Variants in GGT1 observed in about 807,000 individuals in gnomAD.
GGT1 encodes the protein gamma-glutamyltransferase 1.
GGT1 carries 21 observed loss-of-function variants against 56.0 expected under a neutral mutation model. The observed-to-expected ratio is 0.38, with a 90% CI of 0.27 to 0.54. The LOEUF (loss-of-function observed/expected upper bound fraction) is 0.54. Among genes scored for constraint, GGT1 ranks in the 20% least tolerant of loss-of-function variants. The pLI is 0.82. For synonymous variants in GGT1, 238 were observed against 342.6 expected (o/e 0.69, Z 3.37); for missense variants, 466 against 787.0 (o/e 0.59, Z 4.88).
chr22:24,606,567 T>C (rs187362627), intron 1 of GGT1, among the ~76,000 whole-genome samples: 13 of 152,314 alleles, frequency 8.5e-5, no homozygotes, highest in African/African-American at 3.1e-4. Flanking sequence ...TCATGGGACC[T>C]TGGTTCCTGC....
upstream of GGT1, chr22:24,593,059 C>A: frequency 9.6e-7 from 1 of 1,038,962 alleles, no homozygotes; most frequent in East Asian, 8.5e-5. Context: ...GCGATGGTCG[C>A]CGAACCCACA....
chr22:24,623,334 C>T, intron 10 of GGT1, 78 bp downstream of exon 10: 1 of 1,404,212 alleles, frequency 7.1e-7, no homozygotes, highest in East Asian at 2.5e-5. Context: ...CCTCCTGCAT[C>T]TCTGCTCGCC....
upstream of GGT1, chr22:24,593,181 G>T: frequency 2.3e-6 from 2 of 877,456 alleles, no homozygotes; most frequent in Non-Finnish European, 2.7e-6. Flanking sequence ...GCCCCACCCC[G>T]CGCCGGAGCG....
rs370945251 is a variant in GGT1 at position 24,628,025 on chromosome 22, C to T, written c.1336+46C>T. The T allele has an allele frequency of 2.9e-5, 46 of 1,603,192 alleles. No homozygotes were observed. Among genetic ancestry groups the T allele is most frequent in the Middle Eastern group, 2.3e-4 (1 of 4,436 alleles). On this transcript the variant is annotated intron_variant, in intron 13 of 15. Transcript: ENST00000400382. The surrounding 1 kb of genome is among the most constrained non-coding windows in gnomAD (Gnocchi z 5.7). ...GGTGGGGGACTGGGGTGGAGAGGGG[C>T]GGGTGTCCTGGGCAGGCAGCTGACG...
chr22:24,592,816 G>GACCCCCAT, upstream of GGT1: 1 of 1,268,578 alleles, frequency 7.9e-7, no homozygotes, highest in East Asian at 3.4e-5. Flanking sequence ...CAGACCCCCA[G>GACCCCCAT]ACCCTCCCTG....
intron 1 of GGT1, among the ~76,000 whole-genome samples, chr22:24,606,470 C>T (rs1372518386): frequency 6.6e-6 from 1 of 152,182 alleles, no homozygotes; most frequent in African/African-American, 2.4e-5. Flanking sequence ...CTTTAGACCC[C>T]TCCTGGCTGA....
At chr22:24,612,096 T>A (rs9680722) in intron 5 of GGT1, among the ~76,000 whole-genome samples, 7 of 152,010 alleles carry the variant, frequency 4.6e-5, no homozygotes, top group African/African-American at 1.7e-4. Context: ...GAGCCACTGC[T>A]CCTGGCCTAA....
chr22:24,622,601 A>G (rs1335418182), intron 9 of GGT1, among the ~76,000 whole-genome samples: 1 of 152,080 alleles, frequency 6.6e-6, no homozygotes, highest in Non-Finnish European at 1.5e-5. Context: ...CAACAAAAAA[A>G]TTAAAATTTG....
intron 7 of GGT1, among the ~76,000 whole-genome samples, chr22:24,619,488 G>A (rs2047276833): frequency 2.0e-5 from 3 of 151,766 alleles, no homozygotes; most frequent in African/African-American, 7.3e-5. Flanking sequence ...AGGATCGCTT[G>A]AGCCTGGGAA....
intron 5 of GGT1, among the ~76,000 whole-genome samples, 182 bp downstream of exon 5, chr22:24,611,427 G>A (rs2046648082): frequency 6.6e-6 from 1 of 151,960 alleles, no homozygotes. Flanking sequence ...GCCAAACAGG[G>A]CCCCTTTTCT....
chr22:24,611,756 CA>C (rs1213465596), intron 5 of GGT1, among the ~76,000 whole-genome samples: 1 of 150,564 alleles, frequency 6.6e-6, no homozygotes, highest in Non-Finnish European at 1.5e-5. Context: ...AGGCGTGCGC[CA>C]CCACGCCCAA....
intron 9 of GGT1, among the ~76,000 whole-genome samples, chr22:24,621,624 G>A (rs1170233516): frequency 6.6e-6 from 1 of 151,952 alleles, no homozygotes; most frequent in Non-Finnish European, 1.5e-5. Context: ...CACTGAGGCT[G>A]GAAATTGGCA....
chr22:24,583,836 G>A, the GGT1 span: 3 of 469,684 alleles, frequency 6.4e-6, no homozygotes, highest in Non-Finnish European at 1.3e-5. Context: ...ACAATTGAGA[G>A]TTTGTGGGCT....
In GGT1 at chr22:24,628,221, C is replaced by T. The variant is rs529806048; in HGVS notation, c.1449+28C>T. ...ATGTGTCACACCTTTTCTCCCTGGC[C>T]GTGCCCACCCTGCACAGCCCCCAAG... On this transcript the variant is annotated intron_variant, in intron 14 of 15. Transcript: ENST00000400382. This position sits in a 1 kb window ranked among gnomAD's most constrained non-coding sequence, Gnocchi z 5.7. 1.1e-5 allele frequency: 17 copies of T among 1,612,028 alleles called. 1 individual carries two copies. The highest frequency in any genetic ancestry group is 3.3e-5 in the South Asian group (3 of 90,996).
chr22:24,614,690 C>T (rs1445966563), intron 5 of GGT1, 86 bp from the exon 6 acceptor site: 10 of 1,173,296 alleles, frequency 8.5e-6, no homozygotes, highest in Admixed American at 4.1e-5. Flanking sequence ...CTTCCATCCT[C>T]CTTTGGGCAG....
chr22:24,614,933 GA>G (rs774791415), intron 6 of GGT1, 27 bp downstream of exon 6: 5 of 1,610,956 alleles, frequency 3.1e-6, no homozygotes, highest in South Asian at 2.2e-5. Flanking sequence ...AGGAGAGGGA[GA>G]GGGGCAGGGG....
upstream of GGT1, chr22:24,593,140 T>G: frequency 1.0e-6 from 1 of 991,884 alleles, no homozygotes; most frequent in Non-Finnish European, 1.2e-6. Flanking sequence ...ACCGCGGCCC[T>G]GCCCCGTCCG....
chr22:24,588,601 C>A, the GGT1 span: 1 of 979,302 alleles, frequency 1.0e-6, no homozygotes, highest in Non-Finnish European at 1.3e-6. Context: ...CCCTTGTTCC[C>A]TGTCCTCGGG....
In GGT1 at chr22:24,605,476, TAA is replaced by T. The variant is rs2046121010; in HGVS notation, c.-429+1950_-429+1951del. On this transcript the variant is annotated intron_variant, in intron 1 of 15. Coordinates refer to ENST00000400382, the MANE Select transcript of GGT1 (RefSeq NM_001288833.2). ...GTATTATATATAATATAATATTATA[TAA>T]TGTGTATTATATATTATATAATATT... 2.8e-5 allele frequency among the ~76,000 whole-genome samples: 2 copies of T among 72,350 alleles called. 1 individual carries two copies. Among genetic ancestry groups the T allele is most frequent in the Non-Finnish European group, 4.2e-5 (2 of 47,702 alleles). The allele number at this position is 72,350 out of a possible 152,430, so 47.5% of individuals were successfully genotyped here.
Sources: allele counts gnomAD v4.1 joint callset (sites outside exome capture counted in the v4.1 genomes callset), GRCh38; gene constraint gnomAD v4.1.1; non-coding constraint Gnocchi (gnomAD v3.1); transcripts MANE v1.5; gene names NCBI Gene and HGNC (gene_info 2026-07-23, HGNC 2026-07-21).